Variants in KIF15 observed in about 807,000 individuals in gnomAD.
The protein encoded by KIF15 is kinesin family member 15.
In KIF15, 140 loss-of-function variants were observed where a neutral mutation model predicts 190.6. The observed-to-expected ratio is 0.73, with a 90% confidence interval of 0.64 to 0.84. The LOEUF (loss-of-function observed/expected upper bound fraction) is 0.84. Ranked by LOEUF, KIF15 falls within the 40% of genes least tolerant of loss-of-function variation. KIF15 has a pLI of 0.00. For synonymous variants in KIF15, 528 were observed against 551.3 expected, an observed-to-expected ratio of 0.96 and a Z score of 0.59; for missense variants, 1,372 against 1,584.4, an observed-to-expected ratio of 0.87 and a Z score of 2.28.
Position 44,841,171 on chromosome 3 carries a change from T to A in KIF15, c.3518T>A (p.Leu1173Ter). Residue 1173 changes from leucine to a stop codon, truncating the protein, a stop_gained, in exon 29 of 35, where the codon TTG becomes TAG. Coordinates refer to ENST00000326047, the MANE Select transcript of KIF15 (RefSeq NM_020242.3). LOFTEE classifies it high-confidence loss of function. The part of the protein sequence containing the change: ...IEDGRASKTS[L>*]EHLVTKLNED... ...GATGGAAGAGCCTCTAAGACTTCTTTGGAACACCTTGTAACAAAGCTAAAT... is the reference window on the plus strand; with the variant it reads ...GATGGAAGAGCCTCTAAGACTTCTTAGGAACACCTTGTAACAAAGCTAAAT... The A allele has an allele frequency of 6.2e-7, 1 of 1,613,604 alleles. No individual in the cohort carries two copies. Among genetic ancestry groups the A allele is most frequent in the South Asian group, 1.1e-5 (1 of 91,062 alleles).
chr3:44,832,857 C>T (rs1363714524), intron 26 of KIF15, among the ~76,000 whole-genome samples: 1 of 151,542 alleles, frequency 6.6e-6, no homozygotes, highest in Non-Finnish European at 1.5e-5. Flanking sequence ...CCTACTAAAA[C>T]TACAAAAATT....
At chr3:44,862,863 AGTAGCTGCCATGCTTCAG>A (rs1699274197) in intron 6 of KIF15, 1 of 152,000 alleles carries the variant, frequency 6.6e-6, no homozygotes, top group South Asian at 2.1e-4. Flanking sequence ...CTAATCCAGT[AGTAGCTGCCATGCTTCAG>A]GTTAGTATCC....
intron 20 of KIF15, among the ~76,000 whole-genome samples, chr3:44,821,978 G>A (rs1697359630): frequency 6.6e-6 from 1 of 152,244 alleles, no homozygotes; most frequent in Admixed American, 6.5e-5. Flanking sequence ...ACGAAAACCA[G>A]TCAGGCGTGG....
intron 32 of KIF15, among the ~76,000 whole-genome samples, chr3:44,849,389 G>A (rs970234111): frequency 2.6e-5 from 4 of 152,134 alleles, no homozygotes; most frequent in East Asian, 1.9e-4. Flanking sequence ...TTGGGAGGCC[G>A]AGGCAGGTGG....
intron 10 of KIF15, 115 bp from the exon 11 acceptor site, chr3:44,800,199 G>A (rs1707200113): frequency 1.1e-6 from 1 of 896,336 alleles, no homozygotes. Context: ...CTATGATGTG[G>A]TCTTGAAGTT....
chr3:44,776,461 T>A (rs982883240), intron 3 of KIF15, among the ~76,000 whole-genome samples: 6 of 152,018 alleles, frequency 3.9e-5, no homozygotes, highest in Non-Finnish European at 5.9e-5. Context: ...TTCATTGTAG[T>A]AGCCATTAGT....
chr3:44,868,007 G>A lies in KIF15; in HGVS notation c.*60-5322G>A, dbSNP rs1318279774. On this transcript the variant is annotated intron_variant and NMD_transcript_variant, in intron 6 of 6. Transcript: ENST00000422209. ...ACTCTTTTTAAAAGTGTGCAATTCA[G>A]TAGTATTTTAGTAGATTCACAAAGT... 2.6e-5 allele frequency among the ~76,000 whole-genome samples: 4 copies of A among 152,152 alleles called. No homozygotes were observed. The East Asian group carries it at 7.7e-4, about 29-fold the overall frequency.
At chr3:44,787,771 A>G (rs1438308974) in intron 7 of KIF15, among the ~76,000 whole-genome samples, 1 of 152,160 alleles carries the variant, frequency 6.6e-6, no homozygotes, top group Non-Finnish European at 1.5e-5. Context: ...AAAGTCACAC[A>G]TACTTTTTGT....
At position 44,827,499 on chromosome 3, in the gene KIF15, CAG is replaced by C; in HGVS notation, c.2829_2830del (p.Lys944ArgfsTer6). 1 of 1,612,150 alleles carries C rather than the reference CAG, an allele frequency of 6.2e-7. No individual in the cohort carries two copies. The highest frequency in any genetic ancestry group is 8.5e-7 in the Non-Finnish European group (1 of 1,178,424). Reference protein sequence around the residue: ...KVLEAVRQEKQKETAKCEQQM... With the variant: ...KVLEAVRQEKXKETAKCEQQM... ...TCTTGAGGCTGTACGTCAGGAGAAA[CAG>C]AAAGAGACGGCCAAGTGTGAGCAGC... is the stretch of plus-strand genomic sequence containing the variant. On this transcript the variant is annotated frameshift_variant, in exon 23 of 35. Coordinates refer to ENST00000326047, the MANE Select transcript of KIF15 (RefSeq NM_020242.3). LOFTEE classifies it high-confidence loss of function.
intron 7 of KIF15, among the ~76,000 whole-genome samples, chr3:44,788,961 T>C (rs1214656452): frequency 6.6e-6 from 1 of 152,168 alleles, no homozygotes; most frequent in African/African-American, 2.4e-5. Context: ...TTTAGAAAAA[T>C]TTCAATTTCC....
chr3:44,826,058 C>T lies in KIF15; in HGVS notation c.2569C>T (p.Leu857Phe). 6.3e-7 allele frequency: 1 copy of T among 1,582,844 alleles called. No individual in the cohort carries two copies. Among genetic ancestry groups the T allele is most frequent in the Non-Finnish European group, 8.5e-7 (1 of 1,172,306 alleles). ...ATAAAGGTTAGAAAACGAAAAGCTG[C>T]TTGAGAGCAAAGCCTGCCTACAGGA... Reference protein sequence around the residue: ...DNLRLENEKLLESKACLQDSY... With the variant: ...DNLRLENEKLFESKACLQDSY... Residue 857 changes from leucine to phenylalanine, a missense_variant, in exon 21 of 35, where the codon CTT becomes TTT. Physicochemically the swap from Leu to Phe is conservative, Grantham distance 22 (BLOSUM62 0). Coordinates refer to ENST00000326047, the MANE Select transcript of KIF15 (RefSeq NM_020242.3).
At chr3:44,820,147 G>A (rs139537506) in intron 20 of KIF15, among the ~76,000 whole-genome samples, 1,603 of 152,132 alleles carry the variant, frequency 0.011, 19 homozygotes, top group Middle Eastern at 0.027. Context: ...GTCTCTGCAC[G>A]TAAGATGGGT....
intron 6 of KIF15, among the ~76,000 whole-genome samples, chr3:44,858,382 C>T (rs972953893): frequency 5.9e-5 from 9 of 152,136 alleles, no homozygotes; most frequent in African/African-American, 2.2e-4. Flanking sequence ...CGAGTGATAA[C>T]AGGCTTTAAT....
intron 20 of KIF15, among the ~76,000 whole-genome samples, chr3:44,820,074 T>G (rs1051192469): frequency 6.6e-6 from 1 of 151,854 alleles, no homozygotes; most frequent in Non-Finnish European, 1.5e-5. Context: ...CAATCGCTGG[T>G]TTTTTTTGCT....
At chr3:44,822,487 G>T (rs1023826975) in intron 20 of KIF15, among the ~76,000 whole-genome samples, 3 of 152,090 alleles carry the variant, frequency 2.0e-5, no homozygotes, top group Non-Finnish European at 4.4e-5. Flanking sequence ...GTGTCTTGGG[G>T]TTGCTCTTCT....
intron 26 of KIF15, among the ~76,000 whole-genome samples, chr3:44,834,903 A>C (rs904551134): frequency 7.9e-5 from 12 of 151,774 alleles, no homozygotes; most frequent in African/African-American, 2.7e-4. Flanking sequence ...ACTGCACTCC[A>C]GCTAGGGCGA....
chr3:44,819,373 T>C (rs2125673637), intron 20 of KIF15, among the ~76,000 whole-genome samples: 1 of 152,360 alleles, frequency 6.6e-6, no homozygotes. Flanking sequence ...CTTTCTCCTG[T>C]GGGCATTTAG....
At chr3:44,789,777 G>C (rs1157262978) in intron 7 of KIF15, among the ~76,000 whole-genome samples, 1 of 149,676 alleles carries the variant, frequency 6.7e-6, no homozygotes, top group East Asian at 2.0e-4. Flanking sequence ...TAAGTGAAAC[G>C]ATGTATAATA....
chr3:44,852,905 A>G lies in KIF15; in HGVS notation c.*170A>G, dbSNP rs887822355. 7.7e-6 allele frequency: 4 copies of G among 516,660 alleles called. No individual in the cohort carries two copies. The highest frequency in any genetic ancestry group is 6.0e-5 in the African/African-American group (3 of 49,802). The allele number at this position is 516,660 out of a possible 1,614,324, so 32.0% of individuals were successfully genotyped here. On this transcript the variant is annotated 3_prime_UTR_variant, in exon 35 of 35. Coordinates refer to ENST00000326047, the MANE Select transcript of KIF15 (RefSeq NM_020242.3). ...AGTTTCTGATGAACATTCTGCATCC[A>G]TATACACCCTGTGACAGTCAGCAGT...
Sources: gnomAD v4.1 joint callset for allele counts (sites outside exome capture counted in the v4.1 genomes callset) on GRCh38, gnomAD v4.1.1 for gene constraint, MANE v1.5 for transcripts, NCBI Gene and HGNC (gene_info 2026-07-23, HGNC 2026-07-21) for gene names.